The following NCOR2 variants were observed in gnomAD, a reference collection of about 807,000 sequenced individuals.
NCOR2 encodes nuclear receptor corepressor 2.
A neutral mutation model predicts 262.9 loss-of-function variants in NCOR2; 81 were observed. The observed-to-expected ratio is 0.31, with a 90% CI of 0.26 to 0.37. NCOR2 has a LOEUF of 0.37. Ranked by LOEUF, NCOR2 falls within the 10% of genes least tolerant of loss-of-function variation. NCOR2 has a pLI of 1.00. For missense variants in NCOR2, 3,385 were observed against 3,621.4 expected (o/e 0.93, Z 1.68); for synonymous variants, 1,659 against 1,559.3 (o/e 1.06, Z -1.51).
intron 15 of NCOR2, among the ~76,000 whole-genome samples, chr12:124,399,131 G>A (rs2041855453): frequency 6.6e-6 from 1 of 152,052 alleles, no homozygotes; most frequent in South Asian, 2.1e-4. Flanking sequence ...GAAGAGGGGA[G>A]ACGGCCCCCA....
At chr12:124,351,664 G>C (rs1350796939) in intron 27 of NCOR2, among the ~76,000 whole-genome samples, 1 of 152,198 alleles carries the variant, frequency 6.6e-6, no homozygotes, top group Admixed American at 6.5e-5. Flanking sequence ...GTTAGAATAT[G>C]ACTTTGGAAG....
At chr12:124,382,262 AC>A (rs1186999993) in intron 17 of NCOR2, among the ~76,000 whole-genome samples, 2 of 152,048 alleles carry the variant, frequency 1.3e-5, no homozygotes, top group Non-Finnish European at 2.9e-5. Flanking sequence ...TCACCACTAC[AC>A]CAAGAACGGC....
At chr12:124,413,223 G>A (rs749586632) in intron 13 of NCOR2, among the ~76,000 whole-genome samples, 1 of 152,242 alleles carries the variant, frequency 6.6e-6, no homozygotes, top group Non-Finnish European at 1.5e-5. Context: ...GACCCTGGGA[G>A]GGGCGGTCGT....
At chr12:124,477,004 G>A (rs2047137879) in intron 3 of NCOR2, among the ~76,000 whole-genome samples, 1 of 152,004 alleles carries the variant, frequency 6.6e-6, no homozygotes, top group Non-Finnish European at 1.5e-5. Context: ...ATAAAAGGCT[G>A]CAGAGTGTAC....
chr12:124,364,647 C>T (rs187039123), intron 20 of NCOR2, among the ~76,000 whole-genome samples: 1 of 152,336 alleles, frequency 6.6e-6, no homozygotes, highest in East Asian at 1.9e-4. Flanking sequence ...CTTCAGGAAG[C>T]CTTCCAGGAT....
intron 42 of NCOR2, 146 bp downstream of exon 44, chr12:124,332,984 G>C: frequency 2.7e-6 from 3 of 1,120,700 alleles, no homozygotes; most frequent in Non-Finnish European, 3.7e-6. Flanking sequence ...CCCCAAGTTG[G>C]TGAAACCTGC....
At chr12:124,449,759 A>G in intron 7 of NCOR2, 56 bp downstream of exon 9, 1 of 1,589,488 alleles carries the variant, frequency 6.3e-7, no homozygotes, top group Non-Finnish European at 8.6e-7. Context: ...GGCTGCTGAG[A>G]GCCTGCTCGC....
Position 124,432,855 on chromosome 12 carries a change from G to C in NCOR2, c.883-2068C>G, listed in dbSNP as rs1390769459. 6.7e-6 allele frequency among the ~76,000 whole-genome samples: 1 copy of C among 148,154 alleles called. No individual in the cohort carries two copies. The highest frequency in any genetic ancestry group is 6.7e-5 in the Admixed American group (1 of 15,020). ...ATCTCCAAGGTGACTTGAGCAAGTG[G>C]CGGCGGGGGGCGGGGGGTGGGGGCG... is the stretch of plus-strand genomic sequence containing the variant. On this transcript the variant is annotated intron_variant, in intron 8 of 46. Coordinates refer to ENST00000405201, the Ensembl canonical transcript of NCOR2. The surrounding 1 kb of genome is among the most constrained non-coding windows in gnomAD (Gnocchi z 5.1).
At position 124,476,698 on chromosome 12, in the gene NCOR2, A is replaced by G. The variant is rs531933817; in HGVS notation, c.412-3567T>C. 2.0e-5 allele frequency among the ~76,000 whole-genome samples: 3 copies of G among 152,352 alleles called. No homozygotes were observed. In the South Asian group the frequency reaches 6.2e-4, roughly 32 times the overall value. On this transcript the variant is annotated intron_variant, in intron 3 of 46. Coordinates refer to ENST00000405201, the Ensembl canonical transcript of NCOR2. ...CCATGGATAAAAGCCGTTGTCTTTA[A>G]TGGGTTCTTCTTTAAGTTCGGGTTT...
At position 124,423,406 on chromosome 12, in the gene NCOR2, C is replaced by T. The variant is rs564754995; in HGVS notation, c.1329-851G>A. On this transcript the variant is annotated intron_variant, in intron 11 of 46. Coordinates refer to ENST00000405201, the Ensembl canonical transcript of NCOR2. ...GAGGGAGGCTGAGTGAGCACCAGTG[C>T]CCGACCTGCCTGGCCCTCCAGATGG... Among the ~76,000 whole-genome samples the T allele has an allele frequency of 3.9e-5, 6 of 152,308 alleles. No homozygotes were observed. The South Asian group carries it at 1.2e-3, about 32-fold the overall frequency.
intron 5 of NCOR2, among the ~76,000 whole-genome samples, chr12:124,459,161 A>G (rs1005208880): frequency 1.3e-5 from 2 of 152,156 alleles, no homozygotes; most frequent in African/African-American, 4.8e-5. Context: ...GTTTTGAGGG[A>G]TGAATAGGAG....
intron 26 of NCOR2, 41 bp downstream of exon 28, chr12:124,354,437 C>T (rs2037780958): frequency 6.9e-7 from 1 of 1,448,532 alleles, no homozygotes; most frequent in Non-Finnish European, 9.1e-7. Context: ...ACCCGAGGAA[C>T]AGGGGCAGAT....
intron 45 of NCOR2, among the ~76,000 whole-genome samples, chr12:124,326,871 G>A (rs2034702905): frequency 6.6e-6 from 1 of 152,152 alleles, no homozygotes; most frequent in African/African-American, 2.4e-5. Context: ...TCCCTGCCCC[G>A]ATACAGAGGG....
intron 2 of NCOR2, 89 bp downstream of exon 4, chr12:124,486,352 T>TGTGCTCCTGCTCTGCA (rs2047766377): frequency 1.3e-6 from 2 of 1,549,438 alleles, no homozygotes; most frequent in Middle Eastern, 3.4e-4. Context: ...CAGGACCCTG[T>TGTGCTCCTGCTCTGCA]GTGCTCCTGC....
At position 124,344,961 on chromosome 12, in the gene NCOR2, AG is replaced by A; in HGVS notation, c.4360-11del. The A allele has an allele frequency of 6.6e-7, 1 of 1,525,908 alleles. No homozygotes were observed. The highest frequency in any genetic ancestry group is 2.4e-5 in the East Asian group (1 of 40,942). The allele number at this position is 1,525,908 out of a possible 1,614,324, so 94.5% of individuals were successfully genotyped here. A position where few individuals can be genotyped will look rare whatever the true frequency, so the allele number is the denominator to read the frequency against. On this transcript the variant is annotated splice_polypyrimidine_tract_variant and intron_variant, in intron 31 of 46. Coordinates refer to ENST00000405201, the Ensembl canonical transcript of NCOR2. ...ACTTGAGCGGGGTGCCCTGGGGCAG[AG>A]GGGATGTAAGCTCTAGCCCTGGCCA...
chr12:124,385,271 C>CG (rs1555214642), intron 17 of NCOR2, among the ~76,000 whole-genome samples: 19 of 152,042 alleles, frequency 1.2e-4, no homozygotes, highest in Admixed American at 6.5e-5. Flanking sequence ...CGTCCGCCCC[C>CG]GCCCCCCCAG....
intron 1 of NCOR2, among the ~76,000 whole-genome samples, chr12:124,487,568 C>T (rs1057364267): frequency 6.6e-6 from 1 of 152,232 alleles, no homozygotes; most frequent in African/African-American, 2.4e-5. Flanking sequence ...AGGAACCCCC[C>T]ACCCTCAAGC....
intron 1 of NCOR2, among the ~76,000 whole-genome samples, chr12:124,525,939 T>C (rs1332403380): frequency 6.6e-6 from 1 of 152,192 alleles, no homozygotes; most frequent in Non-Finnish European, 1.5e-5. Context: ...CGTGTATGTA[T>C]GGGGTGCACG....
chr12:124,343,122 G>A, exon 33 of NCOR2: 1 of 1,612,310 alleles, frequency 6.2e-7, no homozygotes, highest in Non-Finnish European at 8.5e-7. Flanking sequence ...GGCGAGATGG[G>A]GTGTGGGTGG....
Sources: gnomAD v4.1 joint callset for allele counts (sites outside exome capture counted in the v4.1 genomes callset) on GRCh38, gnomAD v4.1.1 for gene constraint, Gnocchi (gnomAD v3.1) non-coding constraint, MANE v1.5 for transcripts, NCBI Gene and HGNC (gene_info 2026-07-23, HGNC 2026-07-21) for gene names.